Variants in NTAQ1 observed in about 807,000 individuals in gnomAD.
The protein encoded by NTAQ1 is N-terminal glutamine amidase 1, also known as protein N-terminal glutamine amidohydrolase.
Under a neutral mutation model 28.2 loss-of-function variants are expected in NTAQ1, and 21 were observed. That is an observed-to-expected ratio of 0.74 (90% CI 0.53 to 1.07). The LOEUF is 1.07. NTAQ1 is among the 50% of genes least tolerant of loss of function. The probability of loss-of-function intolerance (pLI) is 0.00; values close to 1 mark genes in which losing one functional copy is unlikely to be tolerated. For synonymous variants in NTAQ1, 105 were observed against 90.0 expected (o/e 1.17, Z -0.94); for missense variants, 264 against 256.6 (o/e 1.03, Z -0.20).
intron 6 of NTAQ1, among the ~76,000 whole-genome samples, chr8:123,460,053 G>A (rs947193949): frequency 6.6e-6 from 1 of 151,906 alleles, no homozygotes; most frequent in African/African-American, 2.4e-5. Context: ...GCCTGCCTCG[G>A]CCCCCCAAAG....
At chr8:123,473,226 G>A (rs982926800), downstream of NTAQ1, among the ~76,000 whole-genome samples, 3 of 151,940 alleles carry the variant, frequency 2.0e-5, no homozygotes, top group African/African-American at 7.3e-5. Context: ...AGGGACTTTT[G>A]TAGAAAATCA....
At chr8:123,426,148 A>G (rs1222582861) in intron 1 of NTAQ1, among the ~76,000 whole-genome samples, 1 of 152,202 alleles carries the variant, frequency 6.6e-6, no homozygotes, top group East Asian at 1.9e-4. Context: ...TAGGAACCCA[A>G]CAGCTGAGCT....
chr8:123,464,881 T>C (rs1273897143), intron 6 of NTAQ1, among the ~76,000 whole-genome samples: 1 of 152,058 alleles, frequency 6.6e-6, no homozygotes, highest in Admixed American at 6.5e-5. Flanking sequence ...CTACTAAAAA[T>C]ATAAAAATTA....
intron 3 of NTAQ1, among the ~76,000 whole-genome samples, chr8:123,431,792 C>T (rs1237595975): frequency 1.3e-5 from 2 of 152,198 alleles, no homozygotes; most frequent in Non-Finnish European, 1.5e-5. Flanking sequence ...AGGTAATGCA[C>T]AGGAAGCATC....
intron 6 of NTAQ1, among the ~76,000 whole-genome samples, chr8:123,453,989 G>A (rs901025162): frequency 1.3e-5 from 2 of 152,186 alleles, no homozygotes; most frequent in Admixed American, 1.3e-4. Context: ...CAGATAATGG[G>A]TCACTAGCAA....
downstream of NTAQ1, among the ~76,000 whole-genome samples, chr8:123,449,958 T>TGTGTGC (rs1453165844): frequency 1.9e-5 from 1 of 52,992 alleles, no homozygotes; most frequent in African/African-American, 6.4e-5. Context: ...TGCATATATA[T>TGTGTGC]ATATATATAT....
chr8:123,421,055 G>A (rs753330567), intron 1 of NTAQ1, among the ~76,000 whole-genome samples: 5 of 148,778 alleles, frequency 3.4e-5, no homozygotes, highest in Non-Finnish European at 5.9e-5. Context: ...AAAGTGCTGG[G>A]ATTATAGGCA....
chr8:123,429,892 A>G lies in NTAQ1; in HGVS notation c.184-91A>G, dbSNP rs1586938493. 1.1e-5 allele frequency: 7 copies of G among 632,126 alleles called. No individual in the cohort carries two copies. The Admixed American group carries it at 1.3e-4, about 12-fold the overall frequency. The allele number at this position is 632,126 out of a possible 1,614,324, so 39.2% of individuals were successfully genotyped here. ...AGGACTCTGTCTCAAAAAAAAAAAAAAAAAATCCCGTCTCAAAAAAAAAAA... is the reference window on the plus strand; with the variant it reads ...AGGACTCTGTCTCAAAAAAAAAAAAGAAAAATCCCGTCTCAAAAAAAAAAA... On this transcript the variant is annotated intron_variant, in intron 2 of 5. Coordinates refer to ENST00000287387, the MANE Select transcript of NTAQ1 (RefSeq NM_018024.3).
rs915350929 is a variant in NTAQ1, at chr8:123,418,456, A to T, written c.83+1524A>T. Among the ~76,000 whole-genome samples, 32 of 151,926 alleles carry T rather than the reference A, an allele frequency of 2.1e-4. 1 individual carries two copies. Among genetic ancestry groups the T allele is most frequent in the South Asian group, 4.1e-4 (2 of 4,820 alleles). Reference sequence around the variant, plus strand: ...GAGCAAGACTCCATCTCAAAAAAAAAAAAAAAATAAAAAGCCAAAAAAACA... The same window carrying T: ...GAGCAAGACTCCATCTCAAAAAAAATAAAAAAATAAAAAGCCAAAAAAACA... On this transcript the variant is annotated intron_variant, in intron 1 of 5. Transcript: ENST00000287387.
intron 2 of NTAQ1, among the ~76,000 whole-genome samples, chr8:123,428,314 A>G (rs1387350608): frequency 1.3e-5 from 2 of 152,070 alleles, no homozygotes; most frequent in Non-Finnish European, 2.9e-5. Flanking sequence ...CTCCTGCCTC[A>G]GCCTCCCAAG....
chr8:123,428,086 T>A (rs1814172699), intron 2 of NTAQ1, 63 bp downstream of exon 2: 1 of 1,048,128 alleles, frequency 9.5e-7, no homozygotes, highest in Non-Finnish European at 1.3e-6. Flanking sequence ...GAAGCTAAAT[T>A]AAAAAAAAAA....
rs1340398103 is a variant in NTAQ1 at position 123,436,500 on chromosome 8, C to T, written c.282C>T (p.Phe94=). ...LLHVSSGGQN[F]IYDLDTVLPF... is the part of the protein sequence containing the mutation. ...ATGTTTCAAGTGGAGGACAGAACTTCATTTATGATCTCGATACTGTCTTGC... is the reference window on the plus strand; with the variant it reads ...ATGTTTCAAGTGGAGGACAGAACTTTATTTATGATCTCGATACTGTCTTGC... Residue 94 remains phenylalanine (F), a synonymous_variant, in exon 4 of 6, where the codon TTC becomes TTT. Transcript: ENST00000287387. The T allele has an allele frequency of 3.1e-6, 5 of 1,613,924 alleles. No homozygotes were observed. The South Asian group carries it at 5.5e-5, about 18-fold the overall frequency.
At chr8:123,459,788 A>G (rs1052693154) in intron 6 of NTAQ1, among the ~76,000 whole-genome samples, 9 of 150,146 alleles carry the variant, frequency 6.0e-5, no homozygotes, top group African/African-American at 2.2e-4. Flanking sequence ...GTGGAGACCA[A>G]TATACATCAT....
At chr8:123,454,916 A>C (rs532279624) in intron 6 of NTAQ1, 1 of 152,446 alleles carries the variant, frequency 6.6e-6, no homozygotes, top group East Asian at 1.9e-4. Context: ...GCGTTGTGGC[A>C]GTGGATGAGG....
At chr8:123,429,905 TC>T in intron 2 of NTAQ1, 77 bp from the exon 3 acceptor site, 3 of 719,456 alleles carry the variant, frequency 4.2e-6, no homozygotes, top group Non-Finnish European at 4.0e-6. Flanking sequence ...AAATCCCGTC[TC>T]AAAAAAAAAA....
At chr8:123,421,883 A>G (rs556837484) in intron 1 of NTAQ1, among the ~76,000 whole-genome samples, 12 of 151,864 alleles carry the variant, frequency 7.9e-5, no homozygotes, top group Admixed American at 7.2e-4. Context: ...TAGTAGAGAC[A>G]GGGTTTCACC....
At chr8:123,449,947 G>A (rs1289617962), downstream of NTAQ1, among the ~76,000 whole-genome samples, 2 of 12,036 alleles carry the variant, frequency 1.7e-4, no homozygotes, top group East Asian at 9.1e-3. Context: ...GTGTGTGTGT[G>A]TGCATATATA....
chr8:123,448,474 A>C (rs1469263046), downstream of NTAQ1, among the ~76,000 whole-genome samples: 1 of 152,192 alleles, frequency 6.6e-6, no homozygotes, highest in South Asian at 2.1e-4. Flanking sequence ...TTAGCCAGGT[A>C]TGGTGGCGCA....
chr8:123,432,839 C>G (rs1027911584), intron 3 of NTAQ1, among the ~76,000 whole-genome samples: 3 of 151,946 alleles, frequency 2.0e-5, no homozygotes, highest in African/African-American at 7.2e-5. Context: ...TGGCACACGC[C>G]TGGCTAATTT....
Sources: allele counts gnomAD v4.1 joint callset (sites outside exome capture counted in the v4.1 genomes callset), GRCh38; gene constraint gnomAD v4.1.1; transcripts MANE v1.5; gene names NCBI Gene and HGNC (gene_info 2026-07-23, HGNC 2026-07-21).